Variants in LMCD1 observed in about 807,000 individuals in gnomAD.
LMCD1 encodes the protein LIM and cysteine-rich domains protein 1.
In LMCD1, 32 loss-of-function variants were observed where a neutral mutation model predicts 42.7. The ratio of observed to expected loss-of-function variants is 0.75; its 90% CI spans 0.57 to 1.01. The LOEUF (loss-of-function observed/expected upper bound fraction) is 1.01. Among genes scored for constraint, LMCD1 ranks in the 50% least tolerant of loss-of-function variants. The probability of loss-of-function intolerance (pLI) is 0.00; values close to 1 mark genes in which losing one functional copy is unlikely to be tolerated. For synonymous variants in LMCD1, 178 were observed against 184.9 expected (o/e 0.96, Z 0.30); for missense variants, 458 against 483.1 (o/e 0.95, Z 0.49).
chr3:8,542,612 C>T (rs1472729572), intron 3 of LMCD1, among the ~76,000 whole-genome samples: 2 of 152,178 alleles, frequency 1.3e-5, no homozygotes, highest in Non-Finnish European at 2.9e-5. Context: ...TTACCCAGCC[C>T]GCTCACTCTG....
chr3:8,525,890 C>G (rs1463887453), intron 1 of LMCD1, among the ~76,000 whole-genome samples: 1 of 152,184 alleles, frequency 6.6e-6, no homozygotes, highest in Non-Finnish European at 1.5e-5. Flanking sequence ...GAATGCAGCC[C>G]AAGTTTTGGA....
intron 1 of LMCD1, among the ~76,000 whole-genome samples, chr3:8,523,658 G>A (rs1045213545): frequency 2.6e-5 from 4 of 152,240 alleles, no homozygotes; most frequent in Non-Finnish European, 4.4e-5. Flanking sequence ...ATGGAGCAGC[G>A]GTTCTGCTTT....
At chr3:8,514,450 G>A (rs1028878376) in intron 1 of LMCD1, among the ~76,000 whole-genome samples, 1 of 152,090 alleles carries the variant, frequency 6.6e-6, no homozygotes, top group African/African-American at 2.4e-5. Flanking sequence ...AAAGCTGTCT[G>A]GTAGTATCTA....
At chr3:8,520,223 T>G (rs184057521) in intron 1 of LMCD1, among the ~76,000 whole-genome samples, 138 of 152,208 alleles carry the variant, frequency 9.1e-4, no homozygotes, top group African/African-American at 3.2e-3. Flanking sequence ...GACACATGCA[T>G]GCACAAACAC....
At chr3:8,510,118 C>T (rs1425285800) in intron 1 of LMCD1, among the ~76,000 whole-genome samples, 1 of 152,176 alleles carries the variant, frequency 6.6e-6, no homozygotes, top group East Asian at 1.9e-4. Context: ...TAGAAGAGAG[C>T]ATCTGTTTGG....
Position 8,565,673 on chromosome 3 carries a change from AG to A in LMCD1, c.939+31del, listed in dbSNP as rs1559358969. On this transcript the variant is annotated intron_variant, in intron 5 of 5. Transcript: ENST00000157600. ...GTGGGAGATAGCCGCGAGATGGGTT[AG>A]GGGGCTTGAGGGACACTGCTGAGGG... The A allele has an allele frequency of 6.5e-6, 10 of 1,548,552 alleles. No homozygotes were observed. The East Asian group carries it at 1.9e-4, about 30-fold the overall frequency.
intron 4 of LMCD1, among the ~76,000 whole-genome samples, chr3:8,563,130 C>T (rs915185359): frequency 2.0e-5 from 3 of 152,050 alleles, no homozygotes; most frequent in South Asian, 4.1e-4. Flanking sequence ...TGCCTGGCAC[C>T]GAGGAGATGT....
chr3:8,532,660 C>T, intron 1 of LMCD1, 77 bp from the exon 2 acceptor site: 3 of 1,271,436 alleles, frequency 2.4e-6, no homozygotes, highest in South Asian at 1.2e-5. Flanking sequence ...GCCAGCACGC[C>T]AAGTCTTTTA....
intron 1 of LMCD1, among the ~76,000 whole-genome samples, chr3:8,521,012 C>A (rs1000096185): frequency 3.3e-5 from 5 of 152,204 alleles, no homozygotes; most frequent in Admixed American, 1.3e-4. Context: ...ATTCACTATT[C>A]ACGTTAGCCT....
chr3:8,504,605 G>A (rs996262580), intron 1 of LMCD1, among the ~76,000 whole-genome samples: 1 of 152,198 alleles, frequency 6.6e-6, no homozygotes, highest in Non-Finnish European at 1.5e-5. Flanking sequence ...GACAGGCTGG[G>A]GAAAGAGACT....
intron 1 of LMCD1, among the ~76,000 whole-genome samples, chr3:8,528,621 G>A (rs974628333): frequency 3.9e-5 from 6 of 152,206 alleles, no homozygotes; most frequent in African/African-American, 1.4e-4. Flanking sequence ...AGGCAATTGA[G>A]TTACTCCATG....
At chr3:8,550,580 C>T (rs563944579) in intron 4 of LMCD1, 13 of 985,250 alleles carry the variant, frequency 1.3e-5, no homozygotes, top group African/African-American at 3.5e-5. Context: ...TATCTGAGAA[C>T]TCTAAGACCA....
intron 3 of LMCD1, among the ~76,000 whole-genome samples, chr3:8,544,885 G>C (rs1252637821): frequency 1.3e-5 from 2 of 152,178 alleles, no homozygotes; most frequent in East Asian, 1.9e-4. Flanking sequence ...TGGTTGTCCA[G>C]GATGAGCAAT....
chr3:8,546,119 C>G lies in LMCD1; in HGVS notation c.388-2449C>G, dbSNP rs148854594. On this transcript the variant is annotated intron_variant, in intron 3 of 5. Transcript: ENST00000157600. Reference sequence around the variant, plus strand: ...TTGCACTCCAGCCTGGGTGACAGAGCGAGACTCTGTCTCAAAAAAACAAAA... The same window carrying G: ...TTGCACTCCAGCCTGGGTGACAGAGGGAGACTCTGTCTCAAAAAAACAAAA... Among the ~76,000 whole-genome samples, 1,217 of 151,862 alleles carry G rather than the reference C, an allele frequency of 8.0e-3. 13 individuals are homozygous for G. The highest frequency in any genetic ancestry group is 0.01 in the South Asian group (48 of 4,798).
chr3:8,528,635 A>G (rs1383293550), intron 1 of LMCD1, among the ~76,000 whole-genome samples: 1 of 152,222 alleles, frequency 6.6e-6, no homozygotes, highest in East Asian at 1.9e-4. Context: ...CTCCATGAGG[A>G]AGAAGCTGAG....
intron 1 of LMCD1, among the ~76,000 whole-genome samples, chr3:8,519,242 A>G (rs933300137): frequency 1.3e-5 from 2 of 152,234 alleles, no homozygotes; most frequent in Non-Finnish European, 2.9e-5. Flanking sequence ...TTCTAAGACC[A>G]TATGATAGGA....
chr3:8,543,209 A>G (rs888789887), intron 3 of LMCD1, among the ~76,000 whole-genome samples: 3 of 152,230 alleles, frequency 2.0e-5, no homozygotes, highest in Middle Eastern at 3.4e-3. Flanking sequence ...CTACACCCTA[A>G]CGCATCTCTG....
intron 1 of LMCD1, among the ~76,000 whole-genome samples, chr3:8,509,405 G>A (rs1401844193): frequency 1.3e-5 from 2 of 152,106 alleles, no homozygotes; most frequent in East Asian, 3.8e-4. Context: ...TTCCATAGCA[G>A]CCCTCCCCTG....
chr3:8,533,422 T>C (rs928510449), intron 2 of LMCD1, among the ~76,000 whole-genome samples: 3 of 152,180 alleles, frequency 2.0e-5, no homozygotes, highest in Admixed American at 6.5e-5. Flanking sequence ...GCAGCATTCA[T>C]GTCAGCATCT....
Sources: gnomAD v4.1 joint callset for allele counts (sites outside exome capture counted in the v4.1 genomes callset) on GRCh38, gnomAD v4.1.1 for gene constraint, MANE v1.5 for transcripts, NCBI Gene and HGNC (gene_info 2026-07-23, HGNC 2026-07-21) for gene names.